METTL15: variants seen among roughly 807,000 people sequenced by gnomAD.
The protein encoded by METTL15 is methyltransferase 15, mitochondrial 12S rRNA N4-cytidine.
A neutral mutation model predicts 38.3 loss-of-function variants in METTL15; 34 were observed. The ratio of observed to expected loss-of-function variants is 0.89; its 90% CI spans 0.68 to 1.18. METTL15 has a LOEUF of 1.18. Ranked by LOEUF, METTL15 falls within the 50% of genes most tolerant of loss-of-function variation. METTL15 has a pLI of 0.00. For missense variants in METTL15, 438 were observed against 498.4 expected (o/e 0.88, Z 1.15); for synonymous variants, 162 against 170.9 (o/e 0.95, Z 0.41).
chr11:28,417,157 G>A (rs1035741431), intron 5 of METTL15, among the ~76,000 whole-genome samples: 7 of 152,198 alleles, frequency 4.6e-5, no homozygotes, highest in African/African-American at 1.2e-4. Flanking sequence ...GGTTATGGGA[G>A]AGAACAGGGG....
At chr11:28,314,911 G>A (rs1857427952) in intron 6 of METTL15, among the ~76,000 whole-genome samples, 1 of 152,196 alleles carries the variant, frequency 6.6e-6, no homozygotes, top group Non-Finnish European at 1.5e-5. Context: ...CATGTAAAAT[G>A]TGACTTGCTC....
At chr11:28,366,957 A>G (rs1286193324) in intron 5 of METTL15, among the ~76,000 whole-genome samples, 1 of 152,202 alleles carries the variant, frequency 6.6e-6, no homozygotes, top group African/African-American at 2.4e-5. Flanking sequence ...ATTTAAATGG[A>G]TAATAAAAGC....
intron 3 of METTL15, among the ~76,000 whole-genome samples, chr11:28,340,541 C>T (rs1278229444): frequency 6.6e-6 from 1 of 152,114 alleles, no homozygotes; most frequent in African/African-American, 2.4e-5. Flanking sequence ...CAAAAGAAGA[C>T]GTTTATGTGG....
At chr11:28,420,407 G>A (rs954755285) in intron 5 of METTL15, among the ~76,000 whole-genome samples, 4 of 152,106 alleles carry the variant, frequency 2.6e-5, no homozygotes, top group South Asian at 2.1e-4. Flanking sequence ...TCCAATGACT[G>A]TAGAATACAC....
chr11:28,113,114 T>G (rs1195473603), intron 2 of METTL15, among the ~76,000 whole-genome samples: 2 of 152,162 alleles, frequency 1.3e-5, no homozygotes, highest in Non-Finnish European at 2.9e-5. Context: ...AAATTATGTT[T>G]AAATTACGTC....
At chr11:28,200,880 T>C (rs1478107677) in intron 3 of METTL15, among the ~76,000 whole-genome samples, 1 of 152,178 alleles carries the variant, frequency 6.6e-6, no homozygotes, top group Non-Finnish European at 1.5e-5. Context: ...CTTCTCTTCC[T>C]GCTTGAATCC....
At chr11:28,245,529 T>A (rs1247355226) in intron 4 of METTL15, among the ~76,000 whole-genome samples, 1 of 152,054 alleles carries the variant, frequency 6.6e-6, no homozygotes, top group Non-Finnish European at 1.5e-5. Context: ...CGTAGAACAG[T>A]AAATAAGATG....
intron 6 of METTL15, among the ~76,000 whole-genome samples, chr11:28,509,091 T>C (rs1851654101): frequency 1.3e-5 from 2 of 152,248 alleles, no homozygotes; most frequent in South Asian, 4.1e-4. Flanking sequence ...AAGGCCTCTG[T>C]GGCACAGGTT....
Position 28,502,432 on chromosome 11 carries a change from T to C in METTL15, c.*425-24046T>C, listed in dbSNP as rs896570404. On this transcript the variant is annotated intron_variant and NMD_transcript_variant, in intron 6 of 7. Transcript: ENST00000532947. ...AGGTGAATATGGTCTAACAAAACTTTATACACACAAACCCATGGTGGGCTT... is the reference window on the plus strand; with the variant it reads ...AGGTGAATATGGTCTAACAAAACTTCATACACACAAACCCATGGTGGGCTT... 6.6e-5 allele frequency among the ~76,000 whole-genome samples: 10 copies of C among 152,174 alleles called. No individual in the cohort carries two copies. In the East Asian group the frequency reaches 9.6e-4, roughly 15 times the overall value.
chr11:28,336,647 T>TA (rs534094575), downstream of METTL15, among the ~76,000 whole-genome samples: 39 of 152,294 alleles, frequency 2.6e-4, no homozygotes, highest in East Asian at 6.8e-3. Flanking sequence ...ATAATGGAGC[T>TA]AAAAAATTCC....
chr11:28,450,916 G>C (rs1392557314), intron 6 of METTL15, among the ~76,000 whole-genome samples: 5 of 152,086 alleles, frequency 3.3e-5, no homozygotes, highest in Non-Finnish European at 7.3e-5. Flanking sequence ...TATAATCCTT[G>C]TGAGGGGAGG....
At chr11:28,414,417 T>G (rs758173934) in intron 5 of METTL15, among the ~76,000 whole-genome samples, 2 of 152,088 alleles carry the variant, frequency 1.3e-5, no homozygotes, top group East Asian at 3.9e-4. Flanking sequence ...TCTGGGATGC[T>G]GGGAAATATA....
At chr11:28,425,596 C>T (rs183886174) in intron 6 of METTL15, among the ~76,000 whole-genome samples, 16 of 152,290 alleles carry the variant, frequency 1.1e-4, no homozygotes, top group Admixed American at 7.2e-4. Context: ...TTCACCTAAG[C>T]GGCCTCACCT....
At chr11:28,152,030 A>G (rs995969782) in intron 3 of METTL15, among the ~76,000 whole-genome samples, 2 of 152,014 alleles carry the variant, frequency 1.3e-5, no homozygotes, top group South Asian at 2.1e-4. Flanking sequence ...TATTTATACT[A>G]TATAACACTA....
intron 3 of METTL15, among the ~76,000 whole-genome samples, chr11:28,159,646 A>G (rs1850385015): frequency 6.6e-6 from 1 of 152,200 alleles, no homozygotes; most frequent in Non-Finnish European, 1.5e-5. Flanking sequence ...TACTAAGAAA[A>G]TATCGTCATT....
chr11:28,345,500 T>C (rs1369912755), intron 3 of METTL15, among the ~76,000 whole-genome samples: 1 of 152,210 alleles, frequency 6.6e-6, no homozygotes, highest in African/African-American at 2.4e-5. Flanking sequence ...TAGTTTATCT[T>C]TTCTAACTCA....
At chr11:28,525,268 G>A (rs4922806) in intron 6 of METTL15, among the ~76,000 whole-genome samples, 1 of 151,936 alleles carries the variant, frequency 6.6e-6, no homozygotes, top group African/African-American at 2.4e-5. Flanking sequence ...CTGGCCCCAC[G>A]CACATCCTGC....
intron 3 of METTL15, among the ~76,000 whole-genome samples, chr11:28,179,938 T>C (rs750403568): frequency 4.6e-5 from 7 of 151,862 alleles, no homozygotes; most frequent in Non-Finnish European, 1.0e-4. Flanking sequence ...TTTAATGTTA[T>C]CCTTTCTGGT....
intron 3 of METTL15, among the ~76,000 whole-genome samples, chr11:28,130,488 A>C (rs1016011318): frequency 6.6e-6 from 1 of 152,184 alleles, no homozygotes; most frequent in African/African-American, 2.4e-5. Context: ...TGCTGTTCAA[A>C]TTAGAGAAGG....
Sources: allele counts gnomAD v4.1 joint callset (sites outside exome capture counted in the v4.1 genomes callset), GRCh38; gene constraint gnomAD v4.1.1; transcripts MANE v1.5; gene names NCBI Gene and HGNC (gene_info 2026-07-23, HGNC 2026-07-21).